The following EPB41L5 variants were observed in gnomAD, a reference collection of about 807,000 sequenced individuals.
The protein encoded by EPB41L5 is band 4.1-like protein 5.
In EPB41L5, 55 loss-of-function variants were observed where a neutral mutation model predicts 106.6. The observed-to-expected ratio is 0.52, with a 90% CI of 0.42 to 0.65. The LOEUF (loss-of-function observed/expected upper bound fraction) is 0.65. Among genes scored for constraint, EPB41L5 ranks in the 30% least tolerant of loss-of-function variants. The pLI, the probability that EPB41L5 is intolerant of heterozygous loss-of-function variation, is 0.00. For synonymous variants in EPB41L5, 297 were observed against 306.7 expected, an observed-to-expected ratio of 0.97 and a Z score of 0.33; for missense variants, 871 against 882.1, an observed-to-expected ratio of 0.99 and a Z score of 0.16.
intron 2 of EPB41L5, among the ~76,000 whole-genome samples, chr2:120,021,783 A>C (rs1229037438): frequency 6.6e-6 from 1 of 152,248 alleles, no homozygotes; most frequent in East Asian, 1.9e-4. Flanking sequence ...CCAGAAGAAT[A>C]ATAATTTCTA....
chr2:120,064,288 C>T (rs1313054406), intron 3 of EPB41L5, among the ~76,000 whole-genome samples: 1 of 152,132 alleles, frequency 6.6e-6, no homozygotes, highest in Non-Finnish European at 1.5e-5. Context: ...TTTGCAGAGG[C>T]AATTGGTTTG....
chr2:120,138,852 C>A (rs1211592171), intron 18 of EPB41L5, among the ~76,000 whole-genome samples: 6 of 151,724 alleles, frequency 4.0e-5, no homozygotes, highest in African/African-American at 1.5e-4. Context: ...TATATGGAAC[C>A]ACAAAAGACT....
intron 2 of EPB41L5, among the ~76,000 whole-genome samples, chr2:120,032,270 C>T (rs1487778409): frequency 6.6e-6 from 1 of 152,036 alleles, no homozygotes; most frequent in East Asian, 1.9e-4. Flanking sequence ...CCCAGCTACT[C>T]AGGAGGCTGA....
At chr2:120,126,595 T>C (rs1685469474) in intron 16 of EPB41L5, among the ~76,000 whole-genome samples, 1 of 152,228 alleles carries the variant, frequency 6.6e-6, no homozygotes, top group Admixed American at 6.5e-5. Context: ...AAGCCTTATA[T>C]TGTCAAAAGT....
At chr2:120,032,209 C>T (rs571743907) in intron 2 of EPB41L5, among the ~76,000 whole-genome samples, 6 of 152,102 alleles carry the variant, frequency 3.9e-5, no homozygotes, top group South Asian at 2.1e-4. Flanking sequence ...GGCGAAACTC[C>T]GTCTCTACTA....
In EPB41L5 at chr2:120,146,206, T is replaced by A. The variant is rs750497385; in HGVS notation, c.1729-19T>A. On this transcript the variant is annotated intron_variant, in intron 19 of 24. Coordinates refer to ENST00000263713, the MANE Select transcript of EPB41L5 (RefSeq NM_020909.4). ...ATCCTCAATAAAGATTTACTTTTTTTAATATTTCATTTTCTTAGGTTACAA... is the reference window on the plus strand; with the variant it reads ...ATCCTCAATAAAGATTTACTTTTTTAAATATTTCATTTTCTTAGGTTACAA... The A allele has an allele frequency of 1.4e-5, 21 of 1,476,408 alleles. No individual in the cohort carries two copies. The highest frequency in any genetic ancestry group is 2.8e-5 in the African/African-American group (2 of 71,230). The allele number at this position is 1,476,408 out of a possible 1,614,324, so 91.5% of individuals were successfully genotyped here. A position where few individuals can be genotyped will look rare whatever the true frequency, so the allele number is the denominator to read the frequency against.
chr2:120,029,859 G>A (rs987611391), intron 2 of EPB41L5, among the ~76,000 whole-genome samples: 2 of 152,106 alleles, frequency 1.3e-5, no homozygotes, highest in Admixed American at 6.6e-5. Context: ...GCTGCAAAGC[G>A]GTTCCACTCC....
chr2:120,037,630 A>G (rs1486663437), intron 2 of EPB41L5, among the ~76,000 whole-genome samples: 1 of 152,128 alleles, frequency 6.6e-6, no homozygotes, highest in African/African-American at 2.4e-5. Flanking sequence ...CAGGCTGAGC[A>G]ACATAGCCAG....
intron 24 of EPB41L5, among the ~76,000 whole-genome samples, chr2:120,172,134 A>C (rs1172288199): frequency 6.6e-6 from 1 of 152,210 alleles, no homozygotes; most frequent in Non-Finnish European, 1.5e-5. Flanking sequence ...GAAAGATGAA[A>C]ACTGGGAGAG....
intron 18 of EPB41L5, among the ~76,000 whole-genome samples, chr2:120,139,855 T>A (rs143763167): frequency 2.0e-5 from 3 of 152,166 alleles, no homozygotes; most frequent in African/African-American, 7.2e-5. Flanking sequence ...ATCGAAGAGA[T>A]ATCTGCACTC....
chr2:120,015,114 G>T lies in EPB41L5; in HGVS notation c.-9+1904G>T, dbSNP rs751759579. Among the ~76,000 whole-genome samples the T allele has an allele frequency of 2.5e-3, 376 of 151,456 alleles. 1 individual carries two copies. Among genetic ancestry groups the T allele is most frequent in the Non-Finnish European group, 3.9e-3 (262 of 67,716 alleles). ...CGAGGCGGGCGGATCACGAGGTCAG[G>T]AGATGGAGACTATCCTGGCTAACAC... On this transcript the variant is annotated intron_variant, in intron 1 of 24. Coordinates refer to ENST00000263713, the MANE Select transcript of EPB41L5 (RefSeq NM_020909.4).
Position 120,151,912 on chromosome 2 carries a change from C to T in EPB41L5, c.1793+5623C>T, listed in dbSNP as rs892139626. 3.3e-5 allele frequency among the ~76,000 whole-genome samples: 5 copies of T among 152,278 alleles called. No homozygotes were observed. In the East Asian group the frequency reaches 7.7e-4, roughly 24 times the overall value. ...GATGACAAGTGTGAGCCACCACACC[C>T]AGCTGGTTTTTTCTGCATTCTATAA... On this transcript the variant is annotated intron_variant, in intron 20 of 24. Transcript: ENST00000263713.
chr2:120,075,878 C>T, intron 7 of EPB41L5, 125 bp downstream of exon 7: 1 of 759,090 alleles, frequency 1.3e-6, no homozygotes, highest in Admixed American at 2.2e-5. Flanking sequence ...AAACTTGTAT[C>T]AGGGTCCAAC....
chr2:120,050,427 C>T (rs149024479), intron 3 of EPB41L5, among the ~76,000 whole-genome samples: 70 of 152,296 alleles, frequency 4.6e-4, no homozygotes, highest in Middle Eastern at 6.8e-3. Flanking sequence ...ATCACTGATA[C>T]CCTTTCTTCC....
At chr2:120,041,057 A>G (rs973826030) in intron 2 of EPB41L5, among the ~76,000 whole-genome samples, 2 of 152,164 alleles carry the variant, frequency 1.3e-5, no homozygotes, top group African/African-American at 4.8e-5. Flanking sequence ...AACTGAAAAA[A>G]TTTTAAGTAT....
chr2:120,064,646 T>C (rs962997656), intron 3 of EPB41L5, among the ~76,000 whole-genome samples: 4 of 152,230 alleles, frequency 2.6e-5, no homozygotes, highest in African/African-American at 7.2e-5. Flanking sequence ...TTGATATATC[T>C]TTATCAATTA....
chr2:120,032,695 T>G (rs768408603), intron 2 of EPB41L5, among the ~76,000 whole-genome samples: 7 of 152,230 alleles, frequency 4.6e-5, no homozygotes, highest in Non-Finnish European at 8.8e-5. Context: ...AGAATTCTGT[T>G]CACATTTCCA....
At chr2:120,043,555 CAA>C (rs1679562052) in intron 3 of EPB41L5, among the ~76,000 whole-genome samples, 1 of 140,342 alleles carries the variant, frequency 7.1e-6, no homozygotes, top group African/African-American at 2.6e-5. Context: ...TCAAAAAAAA[CAA>C]AAAGATGATT....
chr2:120,092,848 A>G (rs1460164973), intron 13 of EPB41L5, among the ~76,000 whole-genome samples: 1 of 152,236 alleles, frequency 6.6e-6, no homozygotes, highest in Non-Finnish European at 1.5e-5. Flanking sequence ...GAGGAGATAT[A>G]TATGCATTGT....
Sources: gnomAD v4.1 joint callset for allele counts (sites outside exome capture counted in the v4.1 genomes callset) on GRCh38, gnomAD v4.1.1 for gene constraint, MANE v1.5 for transcripts, NCBI Gene and HGNC (gene_info 2026-07-23, HGNC 2026-07-21) for gene names.